Variants in KATNAL1 observed in about 807,000 individuals in gnomAD.
The protein encoded by KATNAL1 is katanin catalytic subunit A1 like 1, also known as katanin p60 ATPase-containing subunit A-like 1.
In KATNAL1, 32 loss-of-function variants were observed where a neutral mutation model predicts 55.2. The ratio of observed to expected loss-of-function variants is 0.58; its 90% CI spans 0.44 to 0.78. The LOEUF is 0.78. KATNAL1 is among the 30% of genes least tolerant of loss of function. The pLI, the probability that KATNAL1 is intolerant of heterozygous loss-of-function variation, is 0.00. For missense variants in KATNAL1, 466 were observed against 600.9 expected, an observed-to-expected ratio of 0.78 and a Z score of 2.35; for synonymous variants, 193 against 193.6, an observed-to-expected ratio of 1.00 and a Z score of 0.02.
intron 3 of KATNAL1, among the ~76,000 whole-genome samples, chr13:30,274,790 G>A (rs1336881589): frequency 1.3e-5 from 2 of 152,088 alleles, no homozygotes; most frequent in African/African-American, 4.8e-5. Context: ...CAGCATTACT[G>A]TAATAGCCAA....
chr13:30,274,891 A>ACATGCG (rs55740915), intron 3 of KATNAL1, among the ~76,000 whole-genome samples: 1 of 122,134 alleles, frequency 8.2e-6, no homozygotes, highest in Non-Finnish European at 1.7e-5. Flanking sequence ...GCACACACAT[A>ACATGCG]CGCGCGCGCG....
chr13:30,232,580 G>C (rs369725285), intron 6 of KATNAL1, among the ~76,000 whole-genome samples: 1 of 152,156 alleles, frequency 6.6e-6, no homozygotes, highest in Admixed American at 6.5e-5. Flanking sequence ...GGCATAACCA[G>C]AGCAAAGTTC....
At chr13:30,271,190 T>A (rs553240676) in intron 3 of KATNAL1, among the ~76,000 whole-genome samples, 1 of 152,338 alleles carries the variant, frequency 6.6e-6, no homozygotes, top group Non-Finnish European at 1.5e-5. Context: ...TTAATTCTCA[T>A]AATAACCCTA....
intron 6 of KATNAL1, among the ~76,000 whole-genome samples, chr13:30,240,159 GCTTAA>G (rs529202389): frequency 2.6e-5 from 4 of 152,120 alleles, no homozygotes; most frequent in Non-Finnish European, 4.4e-5. Context: ...TGCTTAATCT[GCTTAA>G]CTTTTTATTT....
chr13:30,268,159 C>T (rs1054107990), intron 3 of KATNAL1, among the ~76,000 whole-genome samples: 3 of 150,444 alleles, frequency 2.0e-5, no homozygotes, highest in Admixed American at 6.6e-5. Flanking sequence ...AGTGGGCCTA[C>T]GCAGGTAACA....
chr13:30,269,162 G>A (rs564932314), intron 3 of KATNAL1, among the ~76,000 whole-genome samples: 13 of 152,072 alleles, frequency 8.5e-5, no homozygotes, highest in Admixed American at 6.5e-4. Flanking sequence ...CTGCCATCTC[G>A]GCCCACTGCA....
chr13:30,277,176 T>TAAAATGAC (rs2137522779), intron 3 of KATNAL1, among the ~76,000 whole-genome samples: 1 of 152,302 alleles, frequency 6.6e-6, no homozygotes, highest in East Asian at 1.9e-4. Flanking sequence ...AGGGAGAAAA[T>TAAAATGAC]AAAATGACTT....
At chr13:30,284,445 A>G (rs1430057441) in intron 1 of KATNAL1, among the ~76,000 whole-genome samples, 1 of 152,214 alleles carries the variant, frequency 6.6e-6, no homozygotes, top group Non-Finnish European at 1.5e-5. Context: ...AAAAATATGA[A>G]TATCACATAA....
At chr13:30,246,494 A>G (rs1269927644) in intron 4 of KATNAL1, among the ~76,000 whole-genome samples, 2 of 152,256 alleles carry the variant, frequency 1.3e-5, no homozygotes, top group Admixed American at 1.3e-4. Context: ...TAAAGACTTC[A>G]TGACTAAAAC....
chr13:30,210,905 G>A (rs778096820), intron 9 of KATNAL1, among the ~76,000 whole-genome samples: 1 of 152,032 alleles, frequency 6.6e-6, no homozygotes, highest in Non-Finnish European at 1.5e-5. Context: ...CTTATCAGTA[G>A]TTTAAAGAAC....
chr13:30,307,394 GGCCGCCGCC>G lies in KATNAL1; in HGVS notation c.-87_-79del, dbSNP rs531775135. On this transcript the variant is annotated 5_prime_UTR_variant, in exon 1 of 11. Coordinates refer to ENST00000380615, the MANE Select transcript of KATNAL1 (RefSeq NM_032116.5). ...CCAGATGGGGTGCGGGTGGGGCGCA[GGCCGCCGCC>G]GCCGCCGCCGCCGAGTCCGTTAGCT... 258 of 154,892 alleles carry G rather than the reference GGCCGCCGCC, an allele frequency of 1.7e-3. 4 individuals carry two copies. The East Asian group carries it at 0.043, about 26-fold the overall frequency. 9.6% of individuals were successfully genotyped at this position (154,892 alleles called of 1,614,324 possible).
At chr13:30,284,308 C>G (rs1423036370) in intron 1 of KATNAL1, among the ~76,000 whole-genome samples, 1 of 152,172 alleles carries the variant, frequency 6.6e-6, no homozygotes, top group Non-Finnish European at 1.5e-5. Context: ...GGTTACACAG[C>G]TCTGAACTAC....
chr13:30,272,619 G>A (rs1012646770), intron 3 of KATNAL1, among the ~76,000 whole-genome samples: 5 of 151,858 alleles, frequency 3.3e-5, no homozygotes, highest in African/African-American at 9.7e-5. Flanking sequence ...TATAATTTCT[G>A]TCTTTCAGTT....
intron 1 of KATNAL1, among the ~76,000 whole-genome samples, chr13:30,286,879 G>A (rs895768642): frequency 3.9e-5 from 6 of 152,238 alleles, no homozygotes; most frequent in African/African-American, 7.2e-5. Context: ...GATGTCAGAC[G>A]TGGAGTCAAA....
chr13:30,267,138 G>A (rs759520062), intron 3 of KATNAL1, among the ~76,000 whole-genome samples: 1 of 152,006 alleles, frequency 6.6e-6, no homozygotes, highest in Non-Finnish European at 1.5e-5. Context: ...GCTTTTCTTT[G>A]GCTCCACAGA....
At chr13:30,235,284 T>C (rs182442442) in intron 6 of KATNAL1, among the ~76,000 whole-genome samples, 3 of 152,348 alleles carry the variant, frequency 2.0e-5, no homozygotes, top group Non-Finnish European at 4.4e-5. Context: ...GATGGCCTCA[T>C]GCTGCTTCCA....
intron 6 of KATNAL1, among the ~76,000 whole-genome samples, chr13:30,232,668 G>C (rs1039747866): frequency 6.6e-6 from 1 of 152,112 alleles, no homozygotes; most frequent in Non-Finnish European, 1.5e-5. Flanking sequence ...CCTCCTATAG[G>C]AGTTAATTTC....
At chr13:30,281,581 C>T (rs1417947606) in intron 2 of KATNAL1, among the ~76,000 whole-genome samples, 2 of 152,050 alleles carry the variant, frequency 1.3e-5, no homozygotes, top group African/African-American at 4.8e-5. Flanking sequence ...AACTTGGTAA[C>T]ATTTAAGTTG....
At chr13:30,239,241 C>T (rs1469001720) in intron 6 of KATNAL1, among the ~76,000 whole-genome samples, 3 of 152,108 alleles carry the variant, frequency 2.0e-5, no homozygotes, top group African/African-American at 7.2e-5. Flanking sequence ...AAAACCCAGC[C>T]TCTACCAAAA....
Sources: allele counts gnomAD v4.1 joint callset (sites outside exome capture counted in the v4.1 genomes callset), GRCh38; gene constraint gnomAD v4.1.1; transcripts MANE v1.5; gene names NCBI Gene and HGNC (gene_info 2026-07-23, HGNC 2026-07-21).